The following WASHC2A variants were observed in gnomAD, a reference collection of about 807,000 sequenced individuals.
WASHC2A encodes WASH complex subunit FAM21A.
In WASHC2A, 82 loss-of-function variants were observed where a neutral mutation model predicts 140.3. The observed-to-expected ratio is 0.58, with a 90% confidence interval of 0.49 to 0.70. The LOEUF is 0.70. Ranked by LOEUF, WASHC2A falls within the 30% of genes least tolerant of loss-of-function variation. The pLI, the probability that WASHC2A is intolerant of heterozygous loss-of-function variation, is 0.00. For missense variants in WASHC2A, 985 were observed against 1,521.8 expected (o/e 0.65, Z 5.87); for synonymous variants, 340 against 560.8 (o/e 0.61, Z 5.56).
At chr10:50,105,906 C>T (rs1841716260) in intron 18 of WASHC2A, among the ~76,000 whole-genome samples, 1 of 150,762 alleles carries the variant, frequency 6.6e-6, no homozygotes, top group South Asian at 2.1e-4. Context: ...ACCCCCAGTT[C>T]TCTCCTTTCA....
At chr10:50,103,540 A>G (rs1184059716) in intron 17 of WASHC2A, among the ~76,000 whole-genome samples, 1 of 151,856 alleles carries the variant, frequency 6.6e-6, no homozygotes, top group African/African-American at 2.4e-5. Flanking sequence ...AGCCTGGGCA[A>G]CAGAGCGAGA....
chr10:50,107,439 CTT>C (rs1486583281), intron 19 of WASHC2A, among the ~76,000 whole-genome samples: 7 of 150,408 alleles, frequency 4.7e-5, no homozygotes, highest in African/African-American at 1.5e-4. Context: ...CAGAAAAAGA[CTT>C]TAAATATGAT....
rs1837482213 is a variant in WASHC2A at position 50,068,343 on chromosome 10, G to A, written c.126+116G>A. The A allele has an allele frequency of 3.4e-6, 4 of 1,170,162 alleles. No individual in the cohort carries two copies. The South Asian group carries it at 4.8e-5, about 14-fold the overall frequency. 72.5% of individuals were successfully genotyped at this position (1,170,162 alleles called of 1,614,324 possible). A position where few individuals can be genotyped will look rare whatever the true frequency, so the allele number is the denominator to read the frequency against. ...GCCCGTCCCGTTGCCTGCCCTCTTAGGAACACACGCCCCGTTTAGCCCCCG... is the reference window on the plus strand; with the variant it reads ...GCCCGTCCCGTTGCCTGCCCTCTTAAGAACACACGCCCCGTTTAGCCCCCG... On this transcript the variant is annotated intron_variant, in intron 2 of 30. Coordinates refer to ENST00000282633, the MANE Select transcript of WASHC2A (RefSeq NM_001005751.3).
Position 50,125,119 on chromosome 10 carries a change from G to C in WASHC2A, c.2485G>C (p.Asp829His), listed in dbSNP as rs1455011117. 3 of 1,611,818 alleles carry C rather than the reference G, an allele frequency of 1.9e-6. No homozygotes were observed. The highest frequency in any genetic ancestry group is 2.5e-6 in the Non-Finnish European group (3 of 1,179,860). ...CCTTCCCTCCTGTTCCCAGGGCCGC[G>C]ATCCTGATGCCCACCCCAAGAGCAC... ...APQKEVGKGR[D>H]PDAHPKSTGV... Residue 829 changes from aspartate to histidine, a missense_variant, in exon 24 of 31, where the codon GAT (aspartate) becomes CAT (histidine). Coordinates refer to ENST00000282633, the MANE Select transcript of WASHC2A (RefSeq NM_001005751.3).
intron 8 of WASHC2A, among the ~76,000 whole-genome samples, chr10:50,090,515 A>AATATATATATATATAT (rs1203140565): frequency 1.8e-5 from 2 of 108,732 alleles, no homozygotes; most frequent in African/African-American, 6.5e-5. Context: ...AAAAAAAAAA[A>AATATATATATATATAT]ATATATATAT....
chr10:50,084,772 G>A (rs1839242686), intron 6 of WASHC2A, among the ~76,000 whole-genome samples: 1 of 147,072 alleles, frequency 6.8e-6, no homozygotes, highest in Non-Finnish European at 1.5e-5. Context: ...TTTCTCTCTG[G>A]TCACCCAGGC....
intron 20 of WASHC2A, among the ~76,000 whole-genome samples, chr10:50,113,436 A>G (rs1842444429): frequency 6.6e-6 from 1 of 151,656 alleles, no homozygotes; most frequent in Admixed American, 6.6e-5. Context: ...TAACGCTACT[A>G]AAAAAAAGAA....
At chr10:50,090,457 C>T (rs1174235029) in intron 8 of WASHC2A, among the ~76,000 whole-genome samples, 4 of 142,778 alleles carry the variant, frequency 2.8e-5, no homozygotes, top group South Asian at 2.2e-4. Flanking sequence ...GAGCCGAGAT[C>T]GTGCTGATGC....
Position 50,093,362 on chromosome 10 carries a change from G to C in WASHC2A, c.1098G>C (p.Gly366=), listed in dbSNP as rs1439467476. The change falls in exon 12 of 31, where the codon GGG becomes GGC. Residue 366 remains glycine (G), a synonymous_variant. Transcript: ENST00000282633. ...GTGGCCTGTTCAGTGGGGGCAAGGG[G>C]CTCTTTGATGATGAGGACGAGGAGG... ...SGGGLFSGGK[G]LFDDEDEESD... 6.9e-7 allele frequency: 1 copy of C among 1,439,328 alleles called. No individual in the cohort carries two copies. The highest frequency in any genetic ancestry group is 9.6e-7 in the Non-Finnish European group (1 of 1,040,942). 89.2% of individuals were successfully genotyped at this position (1,439,328 alleles called of 1,614,324 possible).
intron 15 of WASHC2A, 106 bp downstream of exon 15, chr10:50,095,884 C>G (rs1271223517): frequency 2.1e-6 from 3 of 1,451,088 alleles, no homozygotes; most frequent in African/African-American, 1.4e-5. Flanking sequence ...GCCAGAATCC[C>G]TTCTCCAGCA....
intron 8 of WASHC2A, among the ~76,000 whole-genome samples, chr10:50,090,515 A>AAAAATATATATATATTT (rs1214596899): frequency 3.7e-5 from 4 of 108,768 alleles, no homozygotes; most frequent in Non-Finnish European, 5.6e-5. Flanking sequence ...AAAAAAAAAA[A>AAAAATATATATATATTT]ATATATATAT....
intron 5 of WASHC2A, among the ~76,000 whole-genome samples, chr10:50,082,210 G>A (rs1554879948): frequency 6.7e-6 from 1 of 148,694 alleles, no homozygotes; most frequent in African/African-American, 2.5e-5. Flanking sequence ...AGGATTTGGG[G>A]TTGTCTTCTG....
At chr10:50,125,950 G>T in intron 25 of WASHC2A, 107 bp from the exon 26 acceptor site, 1 of 1,417,076 alleles carries the variant, frequency 7.1e-7, no homozygotes, top group Non-Finnish European at 9.7e-7. Context: ...CCTCATTTGA[G>T]AAAGTATTTT....
rs1325190275 is a variant in WASHC2A at position 50,125,111 on chromosome 10, A to G, written c.2479-2A>G. The G allele has an allele frequency of 1.4e-5, 22 of 1,611,730 alleles. No individual in the cohort carries two copies. In the Admixed American group the frequency reaches 2.2e-4, roughly 16 times the overall value. ...ACACATGACCTTCCCTCCTGTTCCC[A>G]GGGCCGCGATCCTGATGCCCACCCC... On this transcript the variant is annotated splice_acceptor_variant, in intron 23 of 30. Transcript: ENST00000282633. LOFTEE classifies it high-confidence loss of function.
At chr10:50,101,457 C>T (rs1274418649) in intron 17 of WASHC2A, among the ~76,000 whole-genome samples, 1 of 152,306 alleles carries the variant, frequency 6.6e-6, no homozygotes, top group Non-Finnish European at 1.5e-5. Context: ...TACCACAGCA[C>T]GTGTTGCCAG....
At chr10:50,101,277 A>G (rs1356787670) in intron 17 of WASHC2A, among the ~76,000 whole-genome samples, 42 of 152,362 alleles carry the variant, frequency 2.8e-4, no homozygotes, top group South Asian at 4.1e-4. Flanking sequence ...CCTGCACCTC[A>G]GGGTCTTTGC....
At chr10:50,088,958 CTTTTTT>C (rs1210204220) in intron 8 of WASHC2A, among the ~76,000 whole-genome samples, 1 of 41,386 alleles carries the variant, frequency 2.4e-5, no homozygotes, top group Non-Finnish European at 4.5e-5. Flanking sequence ...TTTTTCTTTC[CTTTTTT>C]TTTTTTTTTT....
chr10:50,132,086 A>C (rs1280587613), intron 30 of WASHC2A, among the ~76,000 whole-genome samples: 1 of 152,246 alleles, frequency 6.6e-6, no homozygotes, highest in African/African-American at 2.4e-5. Flanking sequence ...ATGTCAGTAC[A>C]TAGAGATCTC....
Position 50,132,965 on chromosome 10 carries a change from T to A in WASHC2A, c.*20T>A, listed in dbSNP as rs1177362748. 1.9e-6 allele frequency: 3 copies of A among 1,610,106 alleles called. No homozygotes were observed. The highest frequency in any genetic ancestry group is 3.4e-5 in the Admixed American group (2 of 59,608). On this transcript the variant is annotated 3_prime_UTR_variant, in exon 31 of 31. Coordinates refer to ENST00000282633, the MANE Select transcript of WASHC2A (RefSeq NM_001005751.3). ...CAGTAGAGCACACAGGGTATCCACA[T>A]GTTACCCTGCAGCTACATTGTTGAG... is the stretch of plus-strand genomic sequence containing the variant.
Sources: gnomAD v4.1 joint callset for allele counts (sites outside exome capture counted in the v4.1 genomes callset) on GRCh38, gnomAD v4.1.1 for gene constraint, MANE v1.5 for transcripts, NCBI Gene and HGNC (gene_info 2026-07-23, HGNC 2026-07-21) for gene names.